BRI3BP: variants seen among roughly 807,000 people sequenced by gnomAD.
BRI3BP encodes the protein BRI3-binding protein.
Under a neutral mutation model 15.8 loss-of-function variants are expected in BRI3BP, and 7 were observed. The ratio of observed to expected loss-of-function variants is 0.44; its 90% CI spans 0.25 to 0.83. The LOEUF (loss-of-function observed/expected upper bound fraction) is 0.83, where lower values mean the gene tolerates loss of function less well. BRI3BP is among the 40% of genes least tolerant of loss of function. The probability of loss-of-function intolerance (pLI) is 0.20; values close to 1 mark genes in which losing one functional copy is unlikely to be tolerated. For synonymous variants in BRI3BP, 192 were observed against 163.5 expected (o/e 1.17, Z -1.33); for missense variants, 320 against 339.3 (o/e 0.94, Z 0.45).
At chr12:125,045,480 G>A in the BRI3BP span, among the ~76,000 whole-genome samples, 3 of 152,186 alleles carry the variant, frequency 2.0e-5, no homozygotes, top group Admixed American at 1.3e-4. Context: ...GATTACAGGC[G>A]GCATCATCAC....
intron 1 of BRI3BP, among the ~76,000 whole-genome samples, chr12:125,010,109 A>C (rs1216389437): frequency 6.6e-6 from 1 of 152,100 alleles, no homozygotes; most frequent in African/African-American, 2.4e-5. Flanking sequence ...CTCAAAAAAA[A>C]AAAAGAAGAA....
At chr12:125,049,439 T>C in the BRI3BP span, among the ~76,000 whole-genome samples, 4 of 151,330 alleles carry the variant, frequency 2.6e-5, no homozygotes, top group East Asian at 7.8e-4. Context: ...AGAATAAACA[T>C]CCCCCAGGTA....
At chr12:125,017,660 A>C (rs775043727) in intron 2 of BRI3BP, among the ~76,000 whole-genome samples, 1 of 152,078 alleles carries the variant, frequency 6.6e-6, no homozygotes, top group Non-Finnish European at 1.5e-5. Flanking sequence ...CTTTGTCCCC[A>C]TTCTAGATCT....
chr12:125,019,009 C>T (rs2135997287), intron 2 of BRI3BP, among the ~76,000 whole-genome samples: 1 of 152,296 alleles, frequency 6.6e-6, no homozygotes, highest in African/African-American at 2.4e-5. Flanking sequence ...CAGGCACCCA[C>T]CACCACGCCT....
downstream of BRI3BP, among the ~76,000 whole-genome samples, chr12:125,033,481 C>T (rs571640026): frequency 4.6e-5 from 7 of 152,336 alleles, no homozygotes; most frequent in African/African-American, 1.7e-4. Context: ...AGCCCTGCCT[C>T]ACTGCCTACC....
Position 124,993,657 on chromosome 12 carries a change from G to A in BRI3BP, c.-134G>A, listed in dbSNP as rs912400164. 5 of 345,898 alleles carry A rather than the reference G, an allele frequency of 1.4e-5. No individual in the cohort carries two copies. The highest frequency in any genetic ancestry group is 2.3e-5 in the African/African-American group (1 of 44,364). The allele number at this position is 345,898 out of a possible 1,614,324, so 21.4% of individuals were successfully genotyped here. ...GCGGGGCGGGGCAGGTGGCGCAGCA[G>A]CGGCGGCGGCGGCTGTGGGTAAAGG... On this transcript the variant is annotated 5_prime_UTR_variant, in exon 1 of 3. Coordinates refer to ENST00000341446, the MANE Select transcript of BRI3BP (RefSeq NM_080626.6).
chr12:125,035,139 G>A (rs1157812490), downstream of BRI3BP, among the ~76,000 whole-genome samples: 1 of 152,154 alleles, frequency 6.6e-6, no homozygotes. Flanking sequence ...CAAATAAAGC[G>A]ACTATGAACA....
At chr12:125,024,568 G>C (rs917005854) in intron 2 of BRI3BP, among the ~76,000 whole-genome samples, 1 of 152,146 alleles carries the variant, frequency 6.6e-6, no homozygotes, top group Non-Finnish European at 1.5e-5. Flanking sequence ...GGGAGGCCGA[G>C]GCAGGTGGAT....
the BRI3BP span, among the ~76,000 whole-genome samples, chr12:125,047,518 C>T: frequency 6.6e-6 from 1 of 151,268 alleles, no homozygotes; most frequent in East Asian, 2.0e-4. Context: ...GTCACCCAGG[C>T]TGGAGTGCAG....
intron 2 of BRI3BP, among the ~76,000 whole-genome samples, chr12:125,022,537 A>ATTTTTTTTTTTTTTT (rs1391143992): frequency 1.4e-5 from 1 of 70,612 alleles, no homozygotes; most frequent in African/African-American, 7.8e-5. Context: ...TTATTTATTT[A>ATTTTTTTTTTTTTTT]TTTATTTTTT....
At chr12:124,997,747 G>A (rs1469656805) in intron 1 of BRI3BP, among the ~76,000 whole-genome samples, 1 of 152,140 alleles carries the variant, frequency 6.6e-6, no homozygotes, top group East Asian at 1.9e-4. Flanking sequence ...CCAGCACTTA[G>A]GGAGGCCAAG....
chr12:125,011,375 G>A (rs56087724), intron 1 of BRI3BP, among the ~76,000 whole-genome samples: 29,981 of 152,098 alleles, frequency 0.2, 3,469 homozygotes, highest in Non-Finnish European at 0.26. Flanking sequence ...TCATGGGCTC[G>A]CTGTTTTTTC....
chr12:125,043,861 AT>A, the BRI3BP span, among the ~76,000 whole-genome samples: 3 of 152,022 alleles, frequency 2.0e-5, no homozygotes, highest in Admixed American at 2.0e-4. Context: ...GTCTCAAAAA[AT>A]AAAAAGATAA....
intron 1 of BRI3BP, among the ~76,000 whole-genome samples, chr12:124,996,774 TC>T (rs397758743): frequency 6.6e-6 from 1 of 150,518 alleles, no homozygotes; most frequent in African/African-American, 2.5e-5. Context: ...TTTTTTTTTT[TC>T]CGAGATGGAG....
downstream of BRI3BP, among the ~76,000 whole-genome samples, chr12:125,031,574 A>AT (rs367625363): frequency 0.034 from 2,826 of 84,146 alleles, 533 homozygotes; most frequent in African/African-American, 0.065. Flanking sequence ...TTTTCTTTCT[A>AT]TTTTTTTTTT....
chr12:125,024,263 C>A (rs114495676), intron 2 of BRI3BP, among the ~76,000 whole-genome samples: 11 of 140,142 alleles, frequency 7.8e-5, no homozygotes, highest in East Asian at 2.3e-4. Flanking sequence ...ATGAAACCCC[C>A]CCCCCTCCAC....
chr12:125,043,276 C>T, the BRI3BP span, among the ~76,000 whole-genome samples: 2 of 152,124 alleles, frequency 1.3e-5, no homozygotes, highest in Non-Finnish European at 1.5e-5. Context: ...TGAGGCTAAG[C>T]GTGCAGGCTC....
the BRI3BP span, among the ~76,000 whole-genome samples, chr12:125,040,737 A>AT: frequency 2.4e-3 from 330 of 140,148 alleles, 3 homozygotes; most frequent in Middle Eastern, 8.2e-3. Flanking sequence ...TTATTTATTC[A>AT]TTTTTTTTTT....
chr12:125,000,366 T>G (rs868218410), intron 1 of BRI3BP, among the ~76,000 whole-genome samples: 2 of 143,168 alleles, frequency 1.4e-5, no homozygotes, highest in African/African-American at 5.3e-5. Context: ...CAGGCTGGAG[T>G]GCAGTGGCGC....
Sources: allele counts gnomAD v4.1 joint callset (sites outside exome capture counted in the v4.1 genomes callset), GRCh38; gene constraint gnomAD v4.1.1; transcripts MANE v1.5; gene names NCBI Gene and HGNC (gene_info 2026-07-23, HGNC 2026-07-21).